The following TRIM37 variants were observed in gnomAD, a reference collection of about 807,000 sequenced individuals.
TRIM37 encodes the protein tripartite motif containing 37, also known as E3 ubiquitin-protein ligase TRIM37.
TRIM37 carries 80 observed loss-of-function variants against 129.8 expected under a neutral mutation model. The observed-to-expected ratio is 0.62, with a 90% CI of 0.51 to 0.74. The LOEUF is 0.74. Among genes scored for constraint, TRIM37 ranks in the 30% least tolerant of loss-of-function variants. TRIM37 has a pLI of 0.00. For synonymous variants in TRIM37, 389 were observed against 387.1 expected (o/e 1.00, Z -0.06); for missense variants, 1,054 against 1,176.5 (o/e 0.90, Z 1.52).
intron 24 of TRIM37, among the ~76,000 whole-genome samples, chr17:58,991,451 G>A (rs1368703605): frequency 5.3e-5 from 8 of 151,996 alleles, no homozygotes; most frequent in African/African-American, 1.7e-4. Context: ...CAGGAGAATC[G>A]CTTCAACCTG....
chr17:59,047,242 A>G (rs976283360), intron 16 of TRIM37, among the ~76,000 whole-genome samples: 1 of 152,224 alleles, frequency 6.6e-6, no homozygotes, highest in Non-Finnish European at 1.5e-5. Context: ...GACAAAGGAC[A>G]TTACTGGCAA....
intron 9 of TRIM37, among the ~76,000 whole-genome samples, chr17:59,069,308 C>G (rs1239712983): frequency 6.6e-6 from 1 of 151,856 alleles, no homozygotes; most frequent in Non-Finnish European, 1.5e-5. Flanking sequence ...GATCACGCCA[C>G]TGCATTCCAG....
intron 2 of TRIM37, among the ~76,000 whole-genome samples, chr17:59,096,318 G>A (rs1184693776): frequency 2.6e-5 from 4 of 151,876 alleles, no homozygotes; most frequent in East Asian, 3.9e-4. Flanking sequence ...TTGGGAGGCC[G>A]AGGTGGGTGG....
In TRIM37 at chr17:59,106,647, G is replaced by A; in HGVS notation, c.-186C>T. The A allele has an allele frequency of 1.4e-6, 1 of 689,868 alleles. No homozygotes were observed. Among genetic ancestry groups the A allele is most frequent in the Non-Finnish European group, 2.5e-6 (1 of 404,746 alleles). The allele number at this position is 689,868 out of a possible 1,614,324, so 42.7% of individuals were successfully genotyped here. On this transcript the variant is annotated 5_prime_UTR_variant, in exon 1 of 24. Coordinates refer to ENST00000262294, the MANE Select transcript of TRIM37 (RefSeq NM_015294.6). The stretch of plus-strand genomic sequence containing the variant: ...GTCCAGCGCCGCCTACCCCCATTTC[G>A]CCATTTTTACCGGCGCGCCCGCCCC...
rs759551989 is a variant in TRIM37 at position 59,064,380 on chromosome 17, C to A, written c.835G>T (p.Ala279Ser). 1.3e-5 allele frequency: 21 copies of A among 1,599,870 alleles called. No individual in the cohort carries two copies. The South Asian group carries it at 2.0e-4, about 15-fold the overall frequency. The change falls in exon 10 of 24, where the codon GCT (alanine) becomes TCT (serine). Residue 279 changes from alanine (A) to serine (S), a missense_variant. By Grantham distance (99) the Ala-to-Ser change is moderately conservative. This residue lies in a region of TRIM37 where 752 missense variants were observed against 870.8 expected (regional missense o/e 0.86). Transcript: ENST00000262294. ...TSELVPSYDS[A>S]TFVLENFSTL... ...CTGAAATTCTCTAAAACAAAAGTAG[C>A]TGAATCGTAAGATGGCACTAATTCA...
chr17:59,076,733 A>G (rs2042842058), intron 7 of TRIM37, among the ~76,000 whole-genome samples: 1 of 152,232 alleles, frequency 6.6e-6, no homozygotes, highest in Non-Finnish European at 1.5e-5. Flanking sequence ...AGTTTTATCA[A>G]TCTGTAGTGT....
chr17:58,969,200 TC>T, the TRIM37 span, among the ~76,000 whole-genome samples: 31 of 151,944 alleles, frequency 2.0e-4, no homozygotes, highest in African/African-American at 6.3e-4. Flanking sequence ...ACCCTCCCTA[TC>T]CCCCCTCCCC....
the TRIM37 span, among the ~76,000 whole-genome samples, chr17:58,971,146 T>C: frequency 1.3e-5 from 2 of 152,156 alleles, no homozygotes; most frequent in African/African-American, 2.4e-5. Context: ...ATTCCTGTTA[T>C]GAAGCAGCCC....
intron 21 of TRIM37, among the ~76,000 whole-genome samples, chr17:59,012,877 A>T (rs1350731620): frequency 6.6e-6 from 1 of 150,522 alleles, no homozygotes; most frequent in Non-Finnish European, 1.5e-5. Flanking sequence ...CTCTGTCTCA[A>T]AAAAAAAAAA....
intron 16 of TRIM37, among the ~76,000 whole-genome samples, chr17:59,043,141 T>C (rs2039435029): frequency 6.6e-6 from 1 of 152,214 alleles, no homozygotes; most frequent in African/African-American, 2.4e-5. Flanking sequence ...AAGTCTCTCA[T>C]GTTAAAAAAC....
intron 7 of TRIM37, among the ~76,000 whole-genome samples, chr17:59,076,470 G>C (rs907548101): frequency 1.3e-5 from 2 of 152,146 alleles, no homozygotes; most frequent in Non-Finnish European, 2.9e-5. Flanking sequence ...CAGCCCAAGC[G>C]GTCAAGGCTG....
At chr17:59,067,101 G>A (rs1003452244) in intron 9 of TRIM37, among the ~76,000 whole-genome samples, 2 of 151,970 alleles carry the variant, frequency 1.3e-5, no homozygotes, top group Non-Finnish European at 2.9e-5. Context: ...GTGCAGTGGC[G>A]CGATCTCGGC....
intron 12 of TRIM37, among the ~76,000 whole-genome samples, chr17:59,057,939 A>G (rs908085577): frequency 1.3e-4 from 20 of 152,192 alleles, no homozygotes; most frequent in African/African-American, 4.8e-4. Flanking sequence ...AAAATAAATA[A>G]ATTTTGAATA....
At chr17:59,037,557 C>CAAAAAAAAAAAAAAAAA (rs58856834) in intron 17 of TRIM37, among the ~76,000 whole-genome samples, 12 of 74,032 alleles carry the variant, frequency 1.6e-4, no homozygotes, top group South Asian at 6.7e-4. Flanking sequence ...GACTCTGTCT[C>CAAAAAAAAAAAAAAAAA]AAAAAAAAAA....
intron 9 of TRIM37, among the ~76,000 whole-genome samples, chr17:59,068,190 T>C (rs999948203): frequency 1.3e-5 from 2 of 152,192 alleles, no homozygotes; most frequent in Non-Finnish European, 2.9e-5. Context: ...AAGTGATTAA[T>C]TAACAGACTA....
intron 3 of TRIM37, among the ~76,000 whole-genome samples, chr17:59,091,033 A>G (rs1436992138): frequency 6.6e-6 from 1 of 152,138 alleles, no homozygotes; most frequent in Non-Finnish European, 1.5e-5. Flanking sequence ...AGAAACATTA[A>G]AAATTTGTTG....
intron 23 of TRIM37, among the ~76,000 whole-genome samples, chr17:59,000,554 T>C (rs1417809457): frequency 6.6e-6 from 1 of 152,094 alleles, no homozygotes; most frequent in African/African-American, 2.4e-5. Context: ...TGAGCTGAGA[T>C]TGTGCCACTG....
At chr17:58,973,916 C>T in the TRIM37 span, among the ~76,000 whole-genome samples, 18 of 134,398 alleles carry the variant, frequency 1.3e-4, no homozygotes, top group East Asian at 3.2e-3. Context: ...CGCGCCACTG[C>T]GCTCCAGGCT....
At chr17:59,102,486 T>C (rs1471223616) in intron 2 of TRIM37, among the ~76,000 whole-genome samples, 1 of 152,234 alleles carries the variant, frequency 6.6e-6, no homozygotes, top group Non-Finnish European at 1.5e-5. Context: ...TTAATGTGTA[T>C]TAGTTGCTAT....
Sources: allele counts gnomAD v4.1 joint callset (sites outside exome capture counted in the v4.1 genomes callset), GRCh38; gene constraint gnomAD v4.1.1; regional missense constraint gnomAD v4.1.1; transcripts MANE v1.5; gene names NCBI Gene and HGNC (gene_info 2026-07-23, HGNC 2026-07-21).